The following BACH2 variants were observed in gnomAD, a reference collection of about 807,000 sequenced individuals.
BACH2 encodes transcription regulator protein BACH2.
Under a neutral mutation model 61.8 loss-of-function variants are expected in BACH2, and 5 were observed. The observed-to-expected ratio is 0.08, with a 90% CI of 0.04 to 0.17. The LOEUF (loss-of-function observed/expected upper bound fraction) is 0.17, where lower values mean the gene tolerates loss of function less well. Among genes scored for constraint, BACH2 ranks in the 10% least tolerant of loss-of-function variants. The pLI is 1.00. For synonymous variants in BACH2, 446 were observed against 440.1 expected (o/e 1.01, Z -0.17); for missense variants, 824 against 1,091.1 (o/e 0.76, Z 3.45).
At chr6:90,153,398 C>T (rs1052844308) in intron 4 of BACH2, among the ~76,000 whole-genome samples, 2 of 152,090 alleles carry the variant, frequency 1.3e-5, no homozygotes, top group Non-Finnish European at 2.9e-5. Flanking sequence ...TAAATTAAAT[C>T]AGACCTTGTT....
At chr6:90,122,452 G>A (rs2127820190) in intron 4 of BACH2, among the ~76,000 whole-genome samples, 1 of 152,332 alleles carries the variant, frequency 6.6e-6, no homozygotes, top group South Asian at 2.1e-4. Flanking sequence ...CTTGAAGGCA[G>A]TAAGATGGGA....
chr6:90,107,312 C>A (rs916301638), intron 4 of BACH2, among the ~76,000 whole-genome samples: 36 of 151,786 alleles, frequency 2.4e-4, no homozygotes, highest in Non-Finnish European at 1.0e-4. Context: ...GCGGAGGTTG[C>A]AGTGAGCTGA....
At chr6:89,946,219 G>T (rs1298655833) in intron 7 of BACH2, among the ~76,000 whole-genome samples, 1 of 152,062 alleles carries the variant, frequency 6.6e-6, no homozygotes, top group Non-Finnish European at 1.5e-5. Context: ...CAATTCACAG[G>T]AAAGGAAATA....
chr6:90,222,470 TG>T (rs1046153203), intron 3 of BACH2, among the ~76,000 whole-genome samples: 1 of 152,142 alleles, frequency 6.6e-6, no homozygotes, highest in Admixed American at 6.5e-5. Context: ...TTTAGAAGAC[TG>T]TATGTGAGGG....
chr6:90,102,620 C>G (rs938517982), intron 4 of BACH2, among the ~76,000 whole-genome samples: 12 of 151,864 alleles, frequency 7.9e-5, no homozygotes, highest in African/African-American at 2.7e-4. Flanking sequence ...GAAACCCTGT[C>G]TCTACTAAAA....
chr6:90,052,233 T>A (rs1780079685), intron 5 of BACH2, among the ~76,000 whole-genome samples: 1 of 152,238 alleles, frequency 6.6e-6, no homozygotes, highest in Non-Finnish European at 1.5e-5. Flanking sequence ...ACTAATTATT[T>A]GTTATGTGCT....
intron 6 of BACH2, among the ~76,000 whole-genome samples, chr6:89,998,391 G>A (rs1210754132): frequency 1.3e-5 from 2 of 152,166 alleles, no homozygotes; most frequent in Admixed American, 1.3e-4. Context: ...GCTTGGAGGT[G>A]ATGCCAATGT....
intron 4 of BACH2, among the ~76,000 whole-genome samples, chr6:90,141,159 T>C (rs976474055): frequency 1.3e-5 from 2 of 152,132 alleles, no homozygotes; most frequent in African/African-American, 2.4e-5. Context: ...ATAAAATGTA[T>C]TGCGTGATAC....
intron 7 of BACH2, among the ~76,000 whole-genome samples, chr6:89,946,996 A>C (rs1773766219): frequency 6.6e-6 from 1 of 152,224 alleles, no homozygotes; most frequent in South Asian, 2.1e-4. Context: ...ACAGAATACA[A>C]GGTATGTTAA....
chr6:90,289,573 C>T (rs1042290998), intron 1 of BACH2, among the ~76,000 whole-genome samples: 4 of 152,154 alleles, frequency 2.6e-5, no homozygotes. Flanking sequence ...CTGGGACACA[C>T]TGGAAGAAGG....
chr6:90,160,818 C>T (rs556821723), intron 4 of BACH2, among the ~76,000 whole-genome samples: 5 of 152,180 alleles, frequency 3.3e-5, no homozygotes, highest in Middle Eastern at 3.4e-3. Flanking sequence ...GGGCCAGGCA[C>T]GGTGGCTCAT....
At chr6:90,289,284 T>C (rs1772112943) in intron 1 of BACH2, among the ~76,000 whole-genome samples, 1 of 152,174 alleles carries the variant, frequency 6.6e-6, no homozygotes, top group African/African-American at 2.4e-5. Flanking sequence ...AGACAGCTAG[T>C]GTCCAACTCC....
intron 4 of BACH2, among the ~76,000 whole-genome samples, chr6:90,112,166 CTGT>C (rs995612453): frequency 1.3e-5 from 2 of 152,182 alleles, no homozygotes; most frequent in Non-Finnish European, 2.9e-5. Context: ...ACTGGTCTCC[CTGT>C]TGTTAATCCT....
intron 5 of BACH2, among the ~76,000 whole-genome samples, chr6:90,014,440 G>GTATA (rs1201471150): frequency 0.029 from 1,383 of 47,784 alleles, 58 homozygotes; most frequent in East Asian, 0.043. Context: ...GTGTGTGTGT[G>GTATA]TATATATATA....
intron 3 of BACH2, among the ~76,000 whole-genome samples, chr6:90,250,709 A>G (rs1299210423): frequency 6.6e-6 from 1 of 152,246 alleles, no homozygotes; most frequent in Non-Finnish European, 1.5e-5. Context: ...GTTTTGCCAG[A>G]TGAAAAATTC....
At chr6:90,122,801 T>G (rs1288651521) in intron 4 of BACH2, among the ~76,000 whole-genome samples, 1 of 152,180 alleles carries the variant, frequency 6.6e-6, no homozygotes, top group Non-Finnish European at 1.5e-5. Flanking sequence ...AAGCCTGAGC[T>G]TCACAGGGCA....
At chr6:90,143,493 C>A (rs1784527819) in intron 4 of BACH2, among the ~76,000 whole-genome samples, 1 of 152,142 alleles carries the variant, frequency 6.6e-6, no homozygotes, top group African/African-American at 2.4e-5. Context: ...CACACCTCCC[C>A]ACCCTGGTAG....
intron 4 of BACH2, among the ~76,000 whole-genome samples, chr6:90,124,046 G>C (rs749864434): frequency 3.3e-5 from 5 of 152,082 alleles, no homozygotes; most frequent in Admixed American, 6.5e-5. Flanking sequence ...TCCACTTAAG[G>C]GTGGCTGAGT....
At chr6:90,250,222 C>T (rs1252187112) in intron 3 of BACH2, among the ~76,000 whole-genome samples, 4 of 152,182 alleles carry the variant, frequency 2.6e-5, no homozygotes, top group African/African-American at 9.7e-5. Flanking sequence ...AAAGCGAATC[C>T]TGTTTAAATT....
Sources: gnomAD v4.1 joint callset for allele counts (sites outside exome capture counted in the v4.1 genomes callset) on GRCh38, gnomAD v4.1.1 for gene constraint, MANE v1.5 for transcripts, NCBI Gene and HGNC (gene_info 2026-07-23, HGNC 2026-07-21) for gene names.